Variants in GREB1L observed in about 807,000 individuals in gnomAD.
The protein encoded by GREB1L is GREB1 like retinoic acid receptor coactivator.
A neutral mutation model predicts 200.8 loss-of-function variants in GREB1L; 17 were observed. The observed-to-expected ratio is 0.08, with a 90% CI of 0.06 to 0.13. The LOEUF (loss-of-function observed/expected upper bound fraction) is 0.13. Among genes scored for constraint, GREB1L ranks in the 10% least tolerant of loss-of-function variants. The pLI, the probability that GREB1L is intolerant of heterozygous loss-of-function variation, is 1.00. For synonymous variants in GREB1L, 789 were observed against 893.0 expected (o/e 0.88, Z 2.08); for missense variants, 1,657 against 2,367.7 (o/e 0.70, Z 6.23).
chr18:21,312,004 C>T (rs1351105018), intron 1 of GREB1L, among the ~76,000 whole-genome samples: 1 of 152,042 alleles, frequency 6.6e-6, no homozygotes, highest in East Asian at 1.9e-4. Flanking sequence ...CAAGTAGGCC[C>T]CAGTGTCTGT....
intron 1 of GREB1L, among the ~76,000 whole-genome samples, chr18:21,256,578 A>C (rs1369023704): frequency 6.6e-6 from 1 of 152,222 alleles, no homozygotes; most frequent in Non-Finnish European, 1.5e-5. Flanking sequence ...CTAATCTATT[A>C]AGAATAAAAT....
In GREB1L at chr18:21,389,238, T is replaced by C. The variant is rs554035567; in HGVS notation, c.355+4835T>C. On this transcript the variant is annotated intron_variant, in intron 4 of 32. Transcript: ENST00000424526. Reference sequence around the variant, plus strand: ...TTATTTTATGTTTATAATCCAATACTAATTTATTTTGTTGCTCAAATTGTT... The same window carrying C: ...TTATTTTATGTTTATAATCCAATACCAATTTATTTTGTTGCTCAAATTGTT... Among the ~76,000 whole-genome samples the C allele has an allele frequency of 2.0e-5, 3 of 152,288 alleles. No homozygotes were observed. The South Asian group carries it at 6.2e-4, about 32-fold the overall frequency.
At chr18:21,511,757 C>T (rs192756808) in intron 27 of GREB1L, among the ~76,000 whole-genome samples, 23 of 152,278 alleles carry the variant, frequency 1.5e-4, no homozygotes, top group African/African-American at 4.3e-4. Context: ...AGCAATCCTC[C>T]CACCTCAGCC....
chr18:21,515,732 T>G (rs1415424468), intron 29 of GREB1L, 88 bp downstream of exon 29: 1 of 920,954 alleles, frequency 1.1e-6, no homozygotes, highest in Admixed American at 2.4e-5. Flanking sequence ...TTTATTCGTA[T>G]GTCTTCAGTT....
chr18:21,274,213 G>A (rs1245393893), intron 1 of GREB1L, among the ~76,000 whole-genome samples: 2 of 152,046 alleles, frequency 1.3e-5, no homozygotes, highest in East Asian at 3.9e-4. Context: ...GGAGCTCTCT[G>A]GGGTCTTTTT....
At chr18:21,244,421 G>A (rs143131677) in intron 1 of GREB1L, among the ~76,000 whole-genome samples, 2 of 152,226 alleles carry the variant, frequency 1.3e-5, no homozygotes, top group Admixed American at 6.5e-5. Context: ...TCAGATGTTT[G>A]GTTGCATCTC....
chr18:21,287,899 A>T (rs1476248571), intron 1 of GREB1L, among the ~76,000 whole-genome samples: 2 of 148,654 alleles, frequency 1.3e-5, no homozygotes, highest in Non-Finnish European at 3.0e-5. Context: ...GGTTCAAGTG[A>T]TTCTCTTGCC....
At chr18:21,361,311 G>C (rs1394387020) in intron 1 of GREB1L, among the ~76,000 whole-genome samples, 2 of 152,200 alleles carry the variant, frequency 1.3e-5, no homozygotes, top group Admixed American at 6.5e-5. Context: ...GCCATGCTCT[G>C]AGTACTCAGC....
intron 2 of GREB1L, among the ~76,000 whole-genome samples, chr18:21,376,557 C>T (rs1422654637): frequency 6.6e-6 from 1 of 151,688 alleles, no homozygotes; most frequent in Non-Finnish European, 1.5e-5. Flanking sequence ...GTAATCCCAG[C>T]ACTTTGGGAG....
chr18:21,420,958 A>G (rs2144867253), intron 7 of GREB1L, among the ~76,000 whole-genome samples: 1 of 152,336 alleles, frequency 6.6e-6, no homozygotes, highest in East Asian at 1.9e-4. Flanking sequence ...ACCCATGACA[A>G]TGTGGATGAA....
At chr18:21,309,106 G>A (rs2038750264) in intron 1 of GREB1L, among the ~76,000 whole-genome samples, 1 of 152,352 alleles carries the variant, frequency 6.6e-6, no homozygotes, top group Non-Finnish European at 1.5e-5. Context: ...ATACTCAGTG[G>A]ATATACTTCA....
chr18:21,247,247 G>C (rs1338065423), intron 1 of GREB1L, among the ~76,000 whole-genome samples: 1 of 152,138 alleles, frequency 6.6e-6, no homozygotes, highest in African/African-American at 2.4e-5. Flanking sequence ...CAGTGCAGTT[G>C]TTTTTGACCT....
At chr18:21,404,123 A>G (rs1034687753) in intron 7 of GREB1L, 129 bp downstream of exon 7, 4 of 834,728 alleles carry the variant, frequency 4.8e-6, no homozygotes, top group African/African-American at 1.7e-5. Flanking sequence ...TTGAGTTACT[A>G]TTAGAGTTAG....
intron 1 of GREB1L, among the ~76,000 whole-genome samples, chr18:21,260,736 G>A (rs751786630): frequency 6.6e-6 from 1 of 151,828 alleles, no homozygotes; most frequent in Non-Finnish European, 1.5e-5. Flanking sequence ...TTTCTCCTAA[G>A]AATTAGAGAT....
At chr18:21,467,760 C>T (rs1455094992) in intron 15 of GREB1L, among the ~76,000 whole-genome samples, 4 of 152,170 alleles carry the variant, frequency 2.6e-5, no homozygotes, top group South Asian at 2.1e-4. Context: ...CGCAGTGGCT[C>T]ACACCTGTAA....
chr18:21,515,344 T>C (rs2037380654), intron 28 of GREB1L, 73 bp from the exon 29 acceptor site: 2 of 979,726 alleles, frequency 2.0e-6, no homozygotes, highest in Admixed American at 2.1e-5. Flanking sequence ...TATATAGTAG[T>C]GTGTAGACAC....
At chr18:21,515,337 ATAG>A in intron 28 of GREB1L, 77 bp from the exon 29 acceptor site, 1 of 911,150 alleles carries the variant, frequency 1.1e-6, no homozygotes, top group African/African-American at 1.6e-5. Context: ...TTACTGGTAT[ATAG>A]TAGTGTGTAG....
intron 2 of GREB1L, among the ~76,000 whole-genome samples, chr18:21,378,252 C>T (rs2040157788): frequency 6.6e-6 from 1 of 152,228 alleles, no homozygotes; most frequent in African/African-American, 2.4e-5. Context: ...ATATATTACA[C>T]AGACGTCCTT....
intron 1 of GREB1L, among the ~76,000 whole-genome samples, chr18:21,350,234 C>A (rs1184856558): frequency 2.1e-5 from 3 of 145,584 alleles, no homozygotes; most frequent in Admixed American, 2.1e-4. Flanking sequence ...TCTTTTCTTT[C>A]TTTCTTTTTT....
Sources: gnomAD v4.1 joint callset for allele counts (sites outside exome capture counted in the v4.1 genomes callset) on GRCh38, gnomAD v4.1.1 for gene constraint, MANE v1.5 for transcripts, NCBI Gene and HGNC (gene_info 2026-07-23, HGNC 2026-07-21) for gene names.